Variants in NKAIN2 observed in about 807,000 individuals in gnomAD.
NKAIN2 encodes the protein sodium/potassium-transporting ATPase subunit beta-1-interacting protein 2.
NKAIN2 carries 14 observed loss-of-function variants against 32.6 expected under a neutral mutation model. The ratio of observed to expected loss-of-function variants is 0.43; its 90% confidence interval spans 0.28 to 0.67. The LOEUF (loss-of-function observed/expected upper bound fraction) is 0.67. Among genes scored for constraint, NKAIN2 ranks in the 30% least tolerant of loss-of-function variants. The pLI is 0.17. For missense variants in NKAIN2, 198 were observed against 258.3 expected, an observed-to-expected ratio of 0.77 and a Z score of 1.60; for synonymous variants, 80 against 87.2, an observed-to-expected ratio of 0.92 and a Z score of 0.46.
chr6:124,061,478 A>T (rs1375996228), intron 1 of NKAIN2, among the ~76,000 whole-genome samples: 1 of 152,018 alleles, frequency 6.6e-6, no homozygotes, highest in African/African-American at 2.4e-5. Flanking sequence ...CTGTAGGGGG[A>T]TTCCATTTGA....
chr6:123,938,350 T>C (rs992151209), intron 1 of NKAIN2, among the ~76,000 whole-genome samples: 11 of 139,808 alleles, frequency 7.9e-5, no homozygotes, highest in African/African-American at 2.9e-4. Flanking sequence ...TGGCCAGAGA[T>C]AGAACAATTT....
intron 2 of NKAIN2, among the ~76,000 whole-genome samples, chr6:124,333,286 G>A (rs1308675156): frequency 6.6e-6 from 1 of 152,042 alleles, no homozygotes; most frequent in Non-Finnish European, 1.5e-5. Context: ...CAAACCCAGA[G>A]GCTTAAATTA....
chr6:124,352,380 A>G (rs1402267239), intron 2 of NKAIN2, among the ~76,000 whole-genome samples: 2 of 152,254 alleles, frequency 1.3e-5, no homozygotes, highest in African/African-American at 2.4e-5. Context: ...TTCAACATAT[A>G]ATACTGAAGT....
At chr6:123,880,454 C>T (rs188685485) in intron 1 of NKAIN2, among the ~76,000 whole-genome samples, 7 of 152,198 alleles carry the variant, frequency 4.6e-5, no homozygotes, top group South Asian at 2.1e-4. Flanking sequence ...CTTAGTTGCA[C>T]GGAAATACCT....
At chr6:124,431,361 C>A (rs1014137402) in intron 3 of NKAIN2, among the ~76,000 whole-genome samples, 7 of 152,108 alleles carry the variant, frequency 4.6e-5, no homozygotes, top group African/African-American at 1.7e-4. Flanking sequence ...CACTCCACTG[C>A]AAATCAAAAC....
At position 124,168,286 on chromosome 6, in the gene NKAIN2, G is replaced by A. The variant is rs9482511; in HGVS notation, c.55-114719G>A. On this transcript the variant is annotated intron_variant, in intron 1 of 6. Transcript: ENST00000368417. ...ACCTGAAATGCATCTGACCAGTAAA[G>A]ATACCATCAGAATGATCATACTTTA... 5.4e-3 allele frequency among the ~76,000 whole-genome samples: 829 copies of A among 152,198 alleles called. 8 individuals are homozygous for A. The highest frequency in any genetic ancestry group is 0.019 in the African/African-American group (801 of 41,570).
At chr6:124,809,506 G>A (rs1346525389) in intron 5 of NKAIN2, among the ~76,000 whole-genome samples, 5 of 149,968 alleles carry the variant, frequency 3.3e-5, no homozygotes, top group South Asian at 4.4e-4. Flanking sequence ...AGACTTAAAC[G>A]TTGGACCTAA....
intron 4 of NKAIN2, among the ~76,000 whole-genome samples, chr6:124,739,665 C>A (rs1380397126): frequency 9.2e-5 from 14 of 151,734 alleles, no homozygotes; most frequent in African/African-American, 3.4e-4. Context: ...GAAGAGGCAC[C>A]ATACACATCT....
intron 4 of NKAIN2, among the ~76,000 whole-genome samples, chr6:124,687,882 C>G (rs1055895104): frequency 6.6e-6 from 1 of 150,790 alleles, no homozygotes; most frequent in East Asian, 1.9e-4. Context: ...TGGGGGCCCT[C>G]CTAGAGTCTG....
chr6:124,699,666 C>T (rs1774675544), intron 4 of NKAIN2, among the ~76,000 whole-genome samples: 1 of 152,138 alleles, frequency 6.6e-6, no homozygotes, highest in Non-Finnish European at 1.5e-5. Context: ...TGCCTGCTTC[C>T]CTTTGCCTTC....
intron 3 of NKAIN2, among the ~76,000 whole-genome samples, chr6:124,636,793 C>T: frequency 6.6e-6 from 1 of 151,944 alleles, no homozygotes; most frequent in African/African-American, 2.4e-5. Flanking sequence ...CCAGGCTTCA[C>T]TGCTGAATTC....
intron 4 of NKAIN2, among the ~76,000 whole-genome samples, chr6:124,786,276 GTCT>G (rs1779500120): frequency 6.6e-6 from 1 of 151,990 alleles, no homozygotes; most frequent in African/African-American, 2.4e-5. Context: ...CTGCCTCAAA[GTCT>G]TCTTGTAATT....
chr6:123,903,097 A>C (rs1409321501), intron 1 of NKAIN2, among the ~76,000 whole-genome samples: 1 of 152,238 alleles, frequency 6.6e-6, no homozygotes, highest in African/African-American at 2.4e-5. Flanking sequence ...GGAAACTACC[A>C]CTGAATCATT....
rs562938083 is a variant in NKAIN2, at chr6:124,453,663, G to A, written c.273+98316G>A. Among the ~76,000 whole-genome samples, 3 of 152,204 alleles carry A rather than the reference G, an allele frequency of 2.0e-5. No homozygotes were observed. In the South Asian group the frequency reaches 6.2e-4, roughly 32 times the overall value. ...TCTTGGCAGAGTTGTTAGAAGCACT[G>A]TAATCTATTGTGCAAATGATGCTGA... On this transcript the variant is annotated intron_variant, in intron 3 of 6. Coordinates refer to ENST00000368417, the MANE Select transcript of NKAIN2 (RefSeq NM_001040214.3).
intron 1 of NKAIN2, among the ~76,000 whole-genome samples, chr6:124,271,295 C>A (rs1254856450): frequency 2.0e-5 from 3 of 152,130 alleles, no homozygotes; most frequent in Admixed American, 6.5e-5. Context: ...CGGCTCACTG[C>A]AAGCTCCACC....
At position 123,976,372 on chromosome 6, in the gene NKAIN2, CATATAT is replaced by C. The variant is rs60189624; in HGVS notation, c.54+172157_54+172162del. Among the ~76,000 whole-genome samples, 77 of 10,894 alleles carry C rather than the reference CATATAT, an allele frequency of 7.1e-3. 1 individual carries two copies. Among genetic ancestry groups the C allele is most frequent in the Non-Finnish European group, 0.012 (55 of 4,722 alleles). The allele number at this position is 10,894 out of a possible 152,430, so 7.1% of individuals were successfully genotyped here. On this transcript the variant is annotated intron_variant, in intron 1 of 6. Transcript: ENST00000368417. Reference sequence around the variant, plus strand: ...CCATATATATATATATATATATTCCCATATATATATATATATATATATATATATATA... The same window carrying C: ...CCATATATATATATATATATATTCCCATATATATATATATATATATATATA...
At chr6:124,720,924 T>C (rs1339837062) in intron 4 of NKAIN2, among the ~76,000 whole-genome samples, 4 of 152,222 alleles carry the variant, frequency 2.6e-5, no homozygotes, top group African/African-American at 9.6e-5. Flanking sequence ...GTCAAGATTA[T>C]TATATTTTGA....
intron 1 of NKAIN2, among the ~76,000 whole-genome samples, chr6:124,050,858 C>G (rs548939517): frequency 5.3e-4 from 81 of 152,104 alleles, no homozygotes; most frequent in Non-Finnish European, 1.1e-3. Flanking sequence ...TGAGTAGAAT[C>G]AATCGTACCT....
rs116207108 is a variant in NKAIN2, at chr6:124,621,748, C to G, written c.274-36438C>G. On this transcript the variant is annotated intron_variant, in intron 3 of 6. Transcript: ENST00000368417. ...GTTTCTCTCCCAATAGAGAATTTGA[C>G]AAATTTAACTATCTCTAAATAAGAG... Among the ~76,000 whole-genome samples, 579 of 152,208 alleles carry G rather than the reference C, an allele frequency of 3.8e-3. 4 individuals carry two copies. Among genetic ancestry groups the G allele is most frequent in the African/African-American group, 0.013 (553 of 41,536 alleles).
Sources: gnomAD v4.1 joint callset for allele counts (sites outside exome capture counted in the v4.1 genomes callset) on GRCh38, gnomAD v4.1.1 for gene constraint, MANE v1.5 for transcripts, NCBI Gene and HGNC (gene_info 2026-07-23, HGNC 2026-07-21) for gene names.